BCL2: variants seen among roughly 807,000 people sequenced by gnomAD.
The protein encoded by BCL2 is BCL2 apoptosis regulator, also known as apoptosis regulator Bcl-2.
In BCL2, 1 loss-of-function variant was observed where a neutral mutation model predicts 14.2. That is an observed-to-expected ratio of 0.07 (90% CI 0.02 to 0.33). The LOEUF (loss-of-function observed/expected upper bound fraction) is 0.33, where lower values mean the gene tolerates loss of function less well. Ranked by LOEUF, BCL2 falls within the 10% of genes least tolerant of loss-of-function variation. BCL2 has a pLI of 0.99. For missense variants in BCL2, 247 were observed against 305.9 expected (o/e 0.81, Z 1.44); for synonymous variants, 151 against 137.2 (o/e 1.10, Z -0.70).
At position 63,318,720 on chromosome 18, in the gene BCL2, AC is replaced by A. The variant is rs1377119679; in HGVS notation, c.-55del. On this transcript the variant is annotated 5_prime_UTR_variant, in exon 2 of 3. Transcript: ENST00000333681. This position sits in a 1 kb window ranked among gnomAD's most constrained non-coding sequence, Gnocchi z 7.4. ...AACGGCACCTCTCGCCCCAGCTCCCACCCCACGGCCCCCAGAGAAAGAAGAG... is the reference window on the plus strand; with the variant it reads ...AACGGCACCTCTCGCCCCAGCTCCCACCCACGGCCCCCAGAGAAAGAAGAG... 8 of 1,607,884 alleles carry A rather than the reference AC, an allele frequency of 5.0e-6. No individual in the cohort carries two copies. The highest frequency in any genetic ancestry group is 6.8e-6 in the Non-Finnish European group (8 of 1,177,324).
At chr18:63,144,986 C>T (rs560117470) in intron 2 of BCL2, among the ~76,000 whole-genome samples, 4 of 152,316 alleles carry the variant, frequency 2.6e-5, no homozygotes, top group African/African-American at 9.6e-5. Context: ...CTGCACGTGC[C>T]ATCTCAAGAG....
chr18:63,196,801 G>A (rs1163998814), intron 2 of BCL2, among the ~76,000 whole-genome samples: 2 of 152,126 alleles, frequency 1.3e-5, no homozygotes, highest in Non-Finnish European at 1.5e-5. Flanking sequence ...AAGGTTGGGC[G>A]CAGAAGGACC....
intron 2 of BCL2, among the ~76,000 whole-genome samples, chr18:63,160,432 T>C (rs543099451): frequency 4.6e-5 from 7 of 152,308 alleles, no homozygotes; most frequent in African/African-American, 1.7e-4. Context: ...TTTACATGTT[T>C]AGAAAGAGGG....
At chr18:63,211,407 A>G (rs1909999268) in intron 2 of BCL2, among the ~76,000 whole-genome samples, 1 of 152,072 alleles carries the variant, frequency 6.6e-6, no homozygotes, top group Non-Finnish European at 1.5e-5. Flanking sequence ...CACTTGAGAG[A>G]GGCTGGCCTT....
chr18:63,252,281 T>A (rs531110834), intron 2 of BCL2, among the ~76,000 whole-genome samples: 6 of 152,244 alleles, frequency 3.9e-5, no homozygotes, highest in Non-Finnish European at 7.3e-5. Flanking sequence ...GACAGAAAAT[T>A]TGCTTTTGAA....
intron 2 of BCL2, among the ~76,000 whole-genome samples, chr18:63,239,683 T>A (rs191822679): frequency 6.6e-6 from 1 of 150,918 alleles, no homozygotes; most frequent in South Asian, 2.1e-4. Flanking sequence ...GAGGTTGCAG[T>A]GAGCTGAGAT....
intron 2 of BCL2, among the ~76,000 whole-genome samples, chr18:63,259,171 G>A (rs758934649): frequency 8.5e-5 from 13 of 152,330 alleles, no homozygotes; most frequent in Non-Finnish European, 1.8e-4. Context: ...TGTTCACATT[G>A]AGCCCTGCAG....
At chr18:63,137,252 G>A (rs1046355856) in intron 2 of BCL2, among the ~76,000 whole-genome samples, 2 of 152,182 alleles carry the variant, frequency 1.3e-5, no homozygotes, top group African/African-American at 2.4e-5. Flanking sequence ...AAATCCCTAG[G>A]TTGAGCTAAA....
At chr18:63,230,628 C>T (rs529653665) in intron 2 of BCL2, among the ~76,000 whole-genome samples, 171 of 152,016 alleles carry the variant, frequency 1.1e-3, no homozygotes, top group Non-Finnish European at 1.9e-3. Flanking sequence ...CACTATTAGG[C>T]ATAAAATGGG....
chr18:63,128,745 T>G lies in BCL2; in HGVS notation c.600A>C (p.Glu200Asp), dbSNP rs1319293137. 1.3e-6 allele frequency: 1 copy of G among 780,440 alleles called. No individual in the cohort carries two copies. Among genetic ancestry groups the G allele is most frequent in the African/African-American group, 1.7e-5 (1 of 59,170 alleles). 48.3% of individuals were successfully genotyped at this position (780,440 alleles called of 1,614,324 possible). Reference sequence around the variant, plus strand: ...GAGGCCGCATGCTGGGGCCGTACAGTTCCACAAAGGCATCCTGCAGTTGGG... The same window carrying G: ...GAGGCCGCATGCTGGGGCCGTACAGGTCCACAAAGGCATCCTGCAGTTGGG... ...QDNGGWDAFV[E>D]LYGPSMRPLF... is the part of the protein sequence containing the mutation. Residue 200 changes from glutamate to aspartate, a missense_variant, in exon 3 of 3, where the codon GAA (glutamate) becomes GAC (aspartate). Glu to Asp is a conservative substitution (Grantham distance 45). Around this residue, in one of 3 missense-constraint regions of BCL2, gnomAD observed 36 missense variants for 24.9 expected, o/e 1.45. Coordinates refer to ENST00000333681, the MANE Select transcript of BCL2 (RefSeq NM_000633.3).
chr18:63,297,719 G>T (rs1237961558), intron 2 of BCL2, among the ~76,000 whole-genome samples: 1 of 152,236 alleles, frequency 6.6e-6, no homozygotes, highest in African/African-American at 2.4e-5. Flanking sequence ...ACCTTTTCCT[G>T]TTCCCAAAAC....
intron 2 of BCL2, among the ~76,000 whole-genome samples, chr18:63,255,835 C>A (rs995939299): frequency 1.3e-5 from 2 of 151,460 alleles, no homozygotes; most frequent in Non-Finnish European, 2.9e-5. Context: ...CCTCCCCCCC[C>A]GCCACACACA....
chr18:63,301,867 T>G (rs953103830), intron 2 of BCL2, among the ~76,000 whole-genome samples: 38 of 152,224 alleles, frequency 2.5e-4, no homozygotes, highest in African/African-American at 8.9e-4. Context: ...CATGTAAAGC[T>G]GTTAAAAGAA....
intron 2 of BCL2, among the ~76,000 whole-genome samples, chr18:63,273,500 A>C (rs945999207): frequency 9.8e-5 from 15 of 152,340 alleles, no homozygotes; most frequent in Middle Eastern, 3.4e-3. Context: ...AACCAAAGTA[A>C]ACTGACAATG....
chr18:63,232,452 AC>A (rs1301725778), intron 2 of BCL2, among the ~76,000 whole-genome samples: 5 of 152,198 alleles, frequency 3.3e-5, no homozygotes, highest in Non-Finnish European at 7.3e-5. Flanking sequence ...ACAACCCACT[AC>A]AAAAAAGTGA....
intron 2 of BCL2, among the ~76,000 whole-genome samples, chr18:63,221,561 T>C (rs111775044): frequency 6.6e-6 from 1 of 152,284 alleles, no homozygotes; most frequent in African/African-American, 2.4e-5. Context: ...CTCTCGCAAA[T>C]GCTCCCGAAG....
At chr18:63,312,458 A>G (rs1038443923) in intron 2 of BCL2, among the ~76,000 whole-genome samples, 4 of 152,256 alleles carry the variant, frequency 2.6e-5, no homozygotes, top group African/African-American at 4.8e-5. Context: ...AAGAACAACA[A>G]GTGACAATCT....
chr18:63,310,181 T>C (rs1457356367), intron 2 of BCL2, among the ~76,000 whole-genome samples: 1 of 152,144 alleles, frequency 6.6e-6, no homozygotes, highest in East Asian at 1.9e-4. Flanking sequence ...ATATTTTTGA[T>C]CCAAAGTTGG....
At chr18:63,303,247 T>C (rs995027520) in intron 2 of BCL2, among the ~76,000 whole-genome samples, 2 of 152,226 alleles carry the variant, frequency 1.3e-5, no homozygotes, top group Admixed American at 1.3e-4. Context: ...ACGCACACTC[T>C]GACCCCTGTA....
Sources: gnomAD v4.1 joint callset for allele counts (sites outside exome capture counted in the v4.1 genomes callset) on GRCh38, gnomAD v4.1.1 for gene constraint, gnomAD v4.1.1 regional missense constraint, Gnocchi (gnomAD v3.1) non-coding constraint, MANE v1.5 for transcripts, NCBI Gene and HGNC (gene_info 2026-07-23, HGNC 2026-07-21) for gene names.